The following BLTP3B variants were observed in gnomAD, a reference collection of about 807,000 sequenced individuals.
BLTP3B encodes the protein UHRF1 (ICBP90) binding protein 1-like.
chr12:100,128,256 C>T, the BLTP3B span, among the ~76,000 whole-genome samples: 1 of 152,146 alleles, frequency 6.6e-6, no homozygotes, highest in African/African-American at 2.4e-5. Flanking sequence ...CAAATGCTAA[C>T]TACTATTTCC....
At chr12:100,096,212 C>T in the BLTP3B span, among the ~76,000 whole-genome samples, 1 of 151,794 alleles carries the variant, frequency 6.6e-6, no homozygotes, top group African/African-American at 2.4e-5. Context: ...AGAGATAGTG[C>T]CATTGCACTC....
the BLTP3B span, chr12:100,057,777 A>G: frequency 1.3e-6 from 2 of 1,535,356 alleles, no homozygotes; most frequent in Admixed American, 4.3e-5. Flanking sequence ...AAATTATTAC[A>G]TATAGAGAAA....
At chr12:100,091,239 GAGTGT>G in the BLTP3B span, among the ~76,000 whole-genome samples, 1 of 148,016 alleles carries the variant, frequency 6.8e-6, no homozygotes, top group Non-Finnish European at 1.5e-5. Context: ...ACCCAGGCTG[GAGTGT>G]AGTGGCATGA....
the BLTP3B span, among the ~76,000 whole-genome samples, chr12:100,063,355 A>G: frequency 6.6e-6 from 1 of 152,186 alleles, no homozygotes; most frequent in Non-Finnish European, 1.5e-5. Context: ...GGCTAGATCC[A>G]GAAGAGAGAT....
chr12:100,089,881 A>G, the BLTP3B span, among the ~76,000 whole-genome samples: 1 of 152,170 alleles, frequency 6.6e-6, no homozygotes, highest in Non-Finnish European at 1.5e-5. Context: ...AGATAATTCA[A>G]TCATGGGGGT....
the BLTP3B span, among the ~76,000 whole-genome samples, chr12:100,134,034 CGTTCAGTACTATCTGCA>C: frequency 6.6e-6 from 1 of 152,044 alleles, no homozygotes; most frequent in South Asian, 2.1e-4. Flanking sequence ...ATATACATAT[CGTTCAGTACTATCTGCA>C]GTTTCAGGCA....
chr12:100,069,006 C>T, the BLTP3B span, among the ~76,000 whole-genome samples: 154 of 152,152 alleles, frequency 1.0e-3, no homozygotes, highest in Non-Finnish European at 1.2e-3. Flanking sequence ...AGGAGGCTGA[C>T]GCGGGCAGAT....
the BLTP3B span, among the ~76,000 whole-genome samples, chr12:100,098,043 C>G: frequency 8.9e-4 from 136 of 152,116 alleles, no homozygotes; most frequent in African/African-American, 3.1e-3. Context: ...ATGGCAAAAC[C>G]CTGTCTCTAC....
chr12:100,046,103 T>C, the BLTP3B span, among the ~76,000 whole-genome samples: 3 of 151,978 alleles, frequency 2.0e-5, no homozygotes, highest in Non-Finnish European at 2.9e-5. Flanking sequence ...TGTGGAGAAA[T>C]AGGAAAACTT....
chr12:100,129,473 T>A, the BLTP3B span, among the ~76,000 whole-genome samples: 3 of 152,218 alleles, frequency 2.0e-5, no homozygotes, highest in Non-Finnish European at 4.4e-5. Flanking sequence ...CTGTGGCGGA[T>A]GCTAAAGATA....
the BLTP3B span, among the ~76,000 whole-genome samples, chr12:100,076,346 T>G: frequency 6.6e-6 from 1 of 151,742 alleles, no homozygotes; most frequent in East Asian, 1.9e-4. Flanking sequence ...AATTTTTCAA[T>G]GGTTTACTTA....
chr12:100,096,519 C>T, the BLTP3B span, among the ~76,000 whole-genome samples: 24 of 151,556 alleles, frequency 1.6e-4, no homozygotes, highest in Admixed American at 1.6e-3. Context: ...TTCAATTTAC[C>T]AAAAATAAAA....
At chr12:100,047,797 T>A in the BLTP3B span, 1 of 1,127,496 alleles carries the variant, frequency 8.9e-7, no homozygotes, top group Non-Finnish European at 1.2e-6. Context: ...CCAAAAAAGA[T>A]CTCTACATCA....
the BLTP3B span, among the ~76,000 whole-genome samples, chr12:100,055,587 T>G: frequency 6.9e-6 from 1 of 144,032 alleles, no homozygotes; most frequent in Non-Finnish European, 1.5e-5. Context: ...TGAGGCAGGA[T>G]AATCAGTTGA....
the BLTP3B span, among the ~76,000 whole-genome samples, chr12:100,120,052 T>C: frequency 6.6e-6 from 1 of 152,220 alleles, no homozygotes; most frequent in East Asian, 1.9e-4. Flanking sequence ...TTTTTTTAAA[T>C]TCTTACAACT....
the BLTP3B span, among the ~76,000 whole-genome samples, chr12:100,130,518 T>G: frequency 6.6e-6 from 1 of 152,354 alleles, no homozygotes; most frequent in East Asian, 1.9e-4. Flanking sequence ...AAAATCATAC[T>G]CAGTAATACC....
At chr12:100,133,900 T>G in the BLTP3B span, among the ~76,000 whole-genome samples, 1 of 152,206 alleles carries the variant, frequency 6.6e-6, no homozygotes, top group Non-Finnish European at 1.5e-5. Context: ...TCATATAACT[T>G]TTATTACAAT....
the BLTP3B span, among the ~76,000 whole-genome samples, chr12:100,061,042 G>T: frequency 1.2e-4 from 18 of 152,258 alleles, no homozygotes; most frequent in African/African-American, 4.3e-4. Context: ...ATAGGGCATG[G>T]TCCTTTTTCC....
chr12:100,057,866 A>G, the BLTP3B span: 23 of 1,285,352 alleles, frequency 1.8e-5, no homozygotes, highest in African/African-American at 3.1e-4. Flanking sequence ...ATTTAAACGT[A>G]TAAGCTCAAA....
Sources: allele counts gnomAD v4.1 joint callset (sites outside exome capture counted in the v4.1 genomes callset), GRCh38; gene constraint gnomAD v4.1.1; transcripts MANE v1.5; gene names NCBI Gene and HGNC (gene_info 2026-07-23, HGNC 2026-07-21).